Variants in PTPRE observed in about 807,000 individuals in gnomAD.
PTPRE encodes the protein protein tyrosine phosphatase receptor type E, also known as receptor-type tyrosine-protein phosphatase epsilon.
Under a neutral mutation model 102.0 loss-of-function variants are expected in PTPRE, and 51 were observed. The ratio of observed to expected loss-of-function variants is 0.50; its 90% CI spans 0.40 to 0.63. The LOEUF (loss-of-function observed/expected upper bound fraction) is 0.63, where lower values mean the gene tolerates loss of function less well. PTPRE is among the 30% of genes least tolerant of loss of function. The probability of loss-of-function intolerance (pLI) is 0.00; values close to 1 mark genes in which losing one functional copy is unlikely to be tolerated. For missense variants in PTPRE, 752 were observed against 915.1 expected, an observed-to-expected ratio of 0.82 and a Z score of 2.30; for synonymous variants, 345 against 348.2, an observed-to-expected ratio of 0.99 and a Z score of 0.10.
chr10:127,935,765 T>C (rs1437651844), intron 1 of PTPRE, among the ~76,000 whole-genome samples: 1 of 152,178 alleles, frequency 6.6e-6, no homozygotes, highest in African/African-American at 2.4e-5. Context: ...CAAGCACTGC[T>C]ACAAACCCAG....
rs1848506665 is a variant in PTPRE, at chr10:127,944,666, G to A, written c.-31+37357G>A. 6.6e-6 allele frequency among the ~76,000 whole-genome samples: 1 copy of A among 152,210 alleles called. No individual in the cohort carries two copies. Among genetic ancestry groups the A allele is most frequent in the Non-Finnish European group, 1.5e-5 (1 of 68,044 alleles). The stretch of plus-strand genomic sequence containing the variant: ...TGCACATAATAGAAGGTCATTTGAG[G>A]AGATTGAGCAGGAGAGTGACAAATG... On this transcript the variant is annotated intron_variant, in intron 1 of 20. Coordinates refer to ENST00000254667, the MANE Select transcript of PTPRE (RefSeq NM_006504.6). The surrounding 1 kb of genome is among the most constrained non-coding windows in gnomAD (Gnocchi z 4.2).
At chr10:128,004,197 A>T (rs1267744334) in intron 2 of PTPRE, among the ~76,000 whole-genome samples, 3 of 151,106 alleles carry the variant, frequency 2.0e-5, no homozygotes, top group Non-Finnish European at 4.4e-5. Context: ...GTCATTCTCC[A>T]TGGGGATCTT....
intron 2 of PTPRE, among the ~76,000 whole-genome samples, chr10:128,024,767 G>A (rs1846170599): frequency 6.6e-6 from 1 of 152,206 alleles, no homozygotes; most frequent in Non-Finnish European, 1.5e-5. Context: ...GGGACTTCCT[G>A]CGGCTTTAAA....
In PTPRE at chr10:127,907,402, G is replaced by A. The variant is rs1442069506; in HGVS notation, c.-31+93G>A. ...AGGCCGGGGCGCTGCCTCGGCCGCT[G>A]CCGCGGGAGGGAGGGGCCGCTCCGG... On this transcript the variant is annotated intron_variant, in intron 1 of 20. Transcript: ENST00000254667. This position sits in a 1 kb window ranked among gnomAD's most constrained non-coding sequence, Gnocchi z 4.8. 1 of 931,210 alleles carries A rather than the reference G, an allele frequency of 1.1e-6. No homozygotes were observed. The highest frequency in any genetic ancestry group is 1.3e-6 in the Non-Finnish European group (1 of 781,406). 57.7% of individuals were successfully genotyped at this position (931,210 alleles called of 1,614,324 possible).
chr10:128,079,019 G>A (rs1468614076), intron 19 of PTPRE, among the ~76,000 whole-genome samples: 1 of 152,188 alleles, frequency 6.6e-6, no homozygotes, highest in South Asian at 2.1e-4. Flanking sequence ...CATGGTAAAT[G>A]GAGATGACTC....
intron 20 of PTPRE, among the ~76,000 whole-genome samples, chr10:128,080,986 G>A (rs75569731): frequency 0.08 from 12,245 of 152,236 alleles, 596 homozygotes; most frequent in Non-Finnish European, 0.11. Flanking sequence ...TGTTCACAAG[G>A]AGTGTTCTGC....
At chr10:127,959,369 A>G (rs1269426053) in intron 1 of PTPRE, among the ~76,000 whole-genome samples, 2 of 152,174 alleles carry the variant, frequency 1.3e-5, no homozygotes, top group Non-Finnish European at 2.9e-5. Context: ...ATAGCCTCCT[A>G]CTGAACCCAT....
chr10:127,935,519 C>A (rs916436442), intron 1 of PTPRE, among the ~76,000 whole-genome samples: 8 of 152,148 alleles, frequency 5.3e-5, no homozygotes, highest in African/African-American at 1.9e-4. Context: ...CTCCTCCCAG[C>A]CTGAGGGCAT....
Position 128,077,783 on chromosome 10 carries a change from G to A in PTPRE, c.1892G>A (p.Ser631Asn), listed in dbSNP as rs759088355. ...TGNHPITVHC[S>N]AGAGRTGTFI... ...AACCACCCCATCACCGTGCACTGCAGGTGAGCCCCCAGCCCGAAGCCCTCC... is the reference window on the plus strand; with the variant it reads ...AACCACCCCATCACCGTGCACTGCAAGTGAGCCCCCAGCCCGAAGCCCTCC... Residue 631 changes from serine to asparagine, a missense_variant and splice_region_variant, in exon 19 of 21, where the codon AGT becomes AAT. Ser to Asn is a conservative substitution (Grantham distance 46). This residue lies in a region of PTPRE where 636 missense variants were observed against 824.4 expected (regional missense o/e 0.77). Transcript: ENST00000254667. 3 of 1,587,126 alleles carry A rather than the reference G, an allele frequency of 1.9e-6. No individual in the cohort carries two copies. Among genetic ancestry groups the A allele is most frequent in the African/African-American group, 1.3e-5 (1 of 74,476 alleles).
intron 1 of PTPRE, among the ~76,000 whole-genome samples, chr10:127,979,455 A>G (rs1188292319): frequency 6.6e-6 from 1 of 152,212 alleles, no homozygotes; most frequent in Non-Finnish European, 1.5e-5. Flanking sequence ...TAAGAAACTG[A>G]TAGTTGTGGT....
At chr10:127,960,758 T>C (rs1474785185) in intron 1 of PTPRE, among the ~76,000 whole-genome samples, 1 of 152,036 alleles carries the variant, frequency 6.6e-6, no homozygotes, top group Non-Finnish European at 1.5e-5. Flanking sequence ...GCGCGGTGGC[T>C]CACGCCTGTA....
chr10:128,031,461 G>A (rs1342389280), intron 2 of PTPRE, among the ~76,000 whole-genome samples: 2 of 152,168 alleles, frequency 1.3e-5, no homozygotes, highest in East Asian at 1.9e-4. Flanking sequence ...CATTACTGCC[G>A]AGCCCCAAGG....
intron 1 of PTPRE, among the ~76,000 whole-genome samples, chr10:127,922,477 G>A (rs908878572): frequency 2.0e-5 from 3 of 152,238 alleles, no homozygotes; most frequent in Non-Finnish European, 4.4e-5. Flanking sequence ...TGTGTTGTCC[G>A]TGTGGGATTG....
chr10:127,957,965 G>A (rs188492141), intron 1 of PTPRE, among the ~76,000 whole-genome samples: 2 of 152,186 alleles, frequency 1.3e-5, no homozygotes, highest in African/African-American at 2.4e-5. Flanking sequence ...AAATAGGATT[G>A]TGTTTTTAAT....
At chr10:128,067,721 A>C (rs976454751) in intron 11 of PTPRE, among the ~76,000 whole-genome samples, 5 of 152,224 alleles carry the variant, frequency 3.3e-5, no homozygotes, top group African/African-American at 9.6e-5. Flanking sequence ...CCCAAATGTA[A>C]GACAGCTTTG....
intron 15 of PTPRE, 69 bp from the exon 16 acceptor site, chr10:128,072,069 T>C: frequency 7.5e-7 from 1 of 1,332,098 alleles, no homozygotes; most frequent in Non-Finnish European, 1.1e-6. Flanking sequence ...TGCAAGCTTG[T>C]AGCAATGGAT....
At chr10:127,938,468 G>C (rs138323466) in intron 1 of PTPRE, among the ~76,000 whole-genome samples, 1,554 of 152,262 alleles carry the variant, frequency 0.01, 19 homozygotes, top group Non-Finnish European at 0.014. Flanking sequence ...GGGTGCAGTG[G>C]TGTGAGCCTG....
In PTPRE at chr10:128,082,974, T is replaced by C. The variant is rs754459912; in HGVS notation, c.*68T>C. On this transcript the variant is annotated 3_prime_UTR_variant, in exon 21 of 21. Transcript: ENST00000254667. ...ATTTTGTAAAAATCATGTTAATTTA[T>C]TTCATAGTTGACATTAATATCTTCC... 44 of 1,372,176 alleles carry C rather than the reference T, an allele frequency of 3.2e-5. 2 individuals carry two copies. In the South Asian group the frequency reaches 6.5e-4, roughly 20 times the overall value. 85.0% of individuals were successfully genotyped at this position (1,372,176 alleles called of 1,614,324 possible).
At chr10:128,063,717 G>A (rs745524772) in intron 10 of PTPRE, among the ~76,000 whole-genome samples, 42 of 152,276 alleles carry the variant, frequency 2.8e-4, no homozygotes, top group Middle Eastern at 3.4e-3. Context: ...GAACTGATTC[G>A]TTTCCTAATG....
Sources: allele counts gnomAD v4.1 joint callset (sites outside exome capture counted in the v4.1 genomes callset), GRCh38; gene constraint gnomAD v4.1.1; regional missense constraint gnomAD v4.1.1; non-coding constraint Gnocchi (gnomAD v3.1); transcripts MANE v1.5; gene names NCBI Gene and HGNC (gene_info 2026-07-23, HGNC 2026-07-21).